PHF20: variants seen among roughly 807,000 people sequenced by gnomAD.
The protein encoded by PHF20 is PHD finger protein 20.
A neutral mutation model predicts 113.5 loss-of-function variants in PHF20; 23 were observed. That is an observed-to-expected ratio of 0.20 (90% CI 0.15 to 0.29). PHF20 has a LOEUF of 0.29. PHF20 is among the 10% of genes least tolerant of loss of function. The probability of loss-of-function intolerance (pLI) is 1.00; values close to 1 mark genes in which losing one functional copy is unlikely to be tolerated. For missense variants in PHF20, 943 were observed against 1,219.6 expected (o/e 0.77, Z 3.38); for synonymous variants, 434 against 457.3 (o/e 0.95, Z 0.65).
At chr20:35,808,811 A>C (rs1446067690) in intron 2 of PHF20, among the ~76,000 whole-genome samples, 2 of 151,104 alleles carry the variant, frequency 1.3e-5, no homozygotes, top group African/African-American at 4.9e-5. Context: ...TGACCTCGTG[A>C]TCTGCTCGCC....
chr20:35,801,420 G>A, intron 1 of PHF20, 71 bp from the exon 2 acceptor site: 3 of 704,556 alleles, frequency 4.3e-6, no homozygotes, highest in East Asian at 2.7e-5. Context: ...GTTTTTTTAT[G>A]TGTAGTGAAT....
intron 15 of PHF20, among the ~76,000 whole-genome samples, chr20:35,931,858 G>A (rs1222319617): frequency 6.6e-6 from 1 of 151,894 alleles, no homozygotes; most frequent in East Asian, 2.0e-4. Flanking sequence ...GGCTGAGGCG[G>A]GAGCATCGCT....
rs747465598 is a variant in PHF20, at chr20:35,863,142, C to T, written c.550C>T (p.Pro184Ser). 2 of 1,613,738 alleles carry T rather than the reference C, an allele frequency of 1.2e-6. No homozygotes were observed. The highest frequency in any genetic ancestry group is 2.2e-5 in the South Asian group (2 of 91,024). ...VNVKKDKEDK[P>S]LKTEKRPKQP... ...TGTGAAGAAAGACAAAGAAGATAAACCCTTAAAGACAGAAAAGCGACCCAA... is the reference window on the plus strand; with the variant it reads ...TGTGAAGAAAGACAAAGAAGATAAATCCTTAAAGACAGAAAAGCGACCCAA... The change falls in exon 6 of 18, where the codon CCC becomes TCC. Residue 184 changes from proline to serine, a missense_variant. Physicochemically the swap from Pro to Ser is moderately conservative, Grantham distance 74. Transcript: ENST00000374012.
chr20:35,807,350 C>CTT (rs35614615), intron 2 of PHF20, among the ~76,000 whole-genome samples: 68 of 122,298 alleles, frequency 5.6e-4, no homozygotes, highest in Middle Eastern at 4.3e-3. Context: ...ATGAATGGAT[C>CTT]TTTTTTTTTT....
At chr20:35,842,472 AC>A in intron 2 of PHF20, 100 bp from the exon 3 acceptor site, 1 of 1,050,384 alleles carries the variant, frequency 9.5e-7, no homozygotes, top group Non-Finnish European at 1.4e-6. Flanking sequence ...AGGCCTGGTA[AC>A]CTTCTCCTTT....
intron 1 of PHF20, among the ~76,000 whole-genome samples, chr20:35,797,655 CT>C (rs1183705992): frequency 0.02 from 2,686 of 137,382 alleles, 67 homozygotes; most frequent in African/African-American, 0.065. Context: ...TGTTTTTTGG[CT>C]TTTTTTTTTT....
Position 35,880,125 on chromosome 20 carries a change from C to T in PHF20, c.1282+8296C>T, listed in dbSNP as rs539257443. On this transcript the variant is annotated intron_variant, in intron 9 of 17. Transcript: ENST00000374012. The stretch of plus-strand genomic sequence containing the variant: ...GCAAAGATGAGTGGGCACTCTTGGA[C>T]TTAGTGTTCATTAACTGCTATTTGG... Among the ~76,000 whole-genome samples the T allele has an allele frequency of 3.3e-5, 5 of 152,326 alleles. No individual in the cohort carries two copies. In the East Asian group the frequency reaches 9.6e-4, roughly 29 times the overall value.
At chr20:35,807,313 A>G (rs74859342) in intron 2 of PHF20, among the ~76,000 whole-genome samples, 1 of 149,704 alleles carries the variant, frequency 6.7e-6, no homozygotes, top group Non-Finnish European at 1.5e-5. Context: ...ATTTATTCCT[A>G]AGTACTGTCT....
intron 9 of PHF20, among the ~76,000 whole-genome samples, chr20:35,895,160 A>C (rs2054955527): frequency 6.6e-6 from 1 of 152,080 alleles, no homozygotes; most frequent in South Asian, 2.1e-4. Flanking sequence ...AGTAGCTGGG[A>C]CTACAGGCAT....
intron 13 of PHF20, among the ~76,000 whole-genome samples, chr20:35,921,472 C>A (rs377329005): frequency 2.6e-5 from 4 of 151,916 alleles, no homozygotes; most frequent in Non-Finnish European, 4.4e-5. Flanking sequence ...TGCTTGAGCC[C>A]AGGAGTTCGA....
At chr20:35,818,462 G>A (rs1215794102) in intron 2 of PHF20, among the ~76,000 whole-genome samples, 1 of 152,098 alleles carries the variant, frequency 6.6e-6, no homozygotes, top group Non-Finnish European at 1.5e-5. Context: ...GGTTTGCCAT[G>A]TTGCCCAGGC....
At chr20:35,847,189 C>G (rs1030480295) in intron 3 of PHF20, among the ~76,000 whole-genome samples, 161 bp from the exon 4 acceptor site, 17 of 152,132 alleles carry the variant, frequency 1.1e-4, no homozygotes, top group African/African-American at 4.1e-4. Flanking sequence ...ATAGCAACTC[C>G]TAGTGTTGAA....
chr20:35,881,225 T>A (rs1484077061), intron 9 of PHF20, among the ~76,000 whole-genome samples: 1 of 151,576 alleles, frequency 6.6e-6, no homozygotes, highest in African/African-American at 2.4e-5. Context: ...GCCCGACTAA[T>A]TTTTGTATTT....
Position 35,912,861 on chromosome 20 carries a change from G to A in PHF20, c.1562-388G>A, listed in dbSNP as rs887875028. On this transcript the variant is annotated intron_variant, in intron 10 of 17. Transcript: ENST00000374012. ...TCAGATCCCCAGGTGATTCCAGTAT[G>A]TAGCCAGGGTTGAGGAGCAGTGATC... 2.6e-5 allele frequency among the ~76,000 whole-genome samples: 4 copies of A among 152,172 alleles called. 1 individual carries two copies. In the South Asian group the frequency reaches 8.3e-4, roughly 31 times the overall value.
At chr20:35,936,709 C>T (rs572813227) in intron 15 of PHF20, among the ~76,000 whole-genome samples, 5 of 152,216 alleles carry the variant, frequency 3.3e-5, no homozygotes, top group South Asian at 2.1e-4. Flanking sequence ...GTAATCATTG[C>T]ATTTTTGTAA....
chr20:35,856,119 C>G (rs1320378876), intron 4 of PHF20, among the ~76,000 whole-genome samples: 1 of 152,064 alleles, frequency 6.6e-6, no homozygotes, highest in Non-Finnish European at 1.5e-5. Flanking sequence ...ACTACCCTTC[C>G]TAGCCTCTGG....
rs555262699 is a variant in PHF20 at position 35,823,115 on chromosome 20, C to T, written c.84-19458C>T. On this transcript the variant is annotated intron_variant, in intron 2 of 17. Transcript: ENST00000374012. ...TCAAAATCCATATGTGTACATTATA[C>T]ATTTGTCAAAATCCATAAAAGTTAC... Among the ~76,000 whole-genome samples, 10 of 151,956 alleles carry T rather than the reference C, an allele frequency of 6.6e-5. No homozygotes were observed. In the South Asian group the frequency reaches 2.1e-3, roughly 32 times the overall value.
At chr20:35,939,448 C>A (rs1303383357) in intron 16 of PHF20, among the ~76,000 whole-genome samples, 1 of 152,078 alleles carries the variant, frequency 6.6e-6, no homozygotes, top group East Asian at 1.9e-4. Flanking sequence ...TATAATTGCA[C>A]CTAGATGTTA....
intron 15 of PHF20, among the ~76,000 whole-genome samples, chr20:35,937,897 G>A (rs2055895820): frequency 6.6e-6 from 1 of 151,668 alleles, no homozygotes; most frequent in African/African-American, 2.4e-5. Context: ...TTTTTGAGAC[G>A]GAGTCTTGCT....
Sources: gnomAD v4.1 joint callset for allele counts (sites outside exome capture counted in the v4.1 genomes callset) on GRCh38, gnomAD v4.1.1 for gene constraint, MANE v1.5 for transcripts, NCBI Gene and HGNC (gene_info 2026-07-23, HGNC 2026-07-21) for gene names.